Variants in PCTP observed in about 807,000 individuals in gnomAD.
The protein encoded by PCTP is START domain-containing protein 2.
PCTP carries 27 observed loss-of-function variants against 31.0 expected under a neutral mutation model. The observed-to-expected ratio is 0.87, with a 90% CI of 0.64 to 1.20. The LOEUF is 1.20. Among genes scored for constraint, PCTP ranks in the 50% most tolerant of loss-of-function variants. The pLI is 0.00. For missense variants in PCTP, 287 were observed against 268.2 expected (o/e 1.07, Z -0.49); for synonymous variants, 108 against 101.2 (o/e 1.07, Z -0.40).
chr17:55,818,354 T>C (rs1912999053), intron 3 of PCTP, among the ~76,000 whole-genome samples: 2 of 152,246 alleles, frequency 1.3e-5, no homozygotes, highest in South Asian at 4.1e-4. Context: ...TATTCCAACA[T>C]GGCAACTGGT....
chr17:55,777,556 C>T (rs1313717065), downstream of PCTP, among the ~76,000 whole-genome samples: 4 of 152,220 alleles, frequency 2.6e-5, no homozygotes, highest in East Asian at 1.9e-4. Flanking sequence ...AATACAGGTG[C>T]TCAAACTGAG....
chr17:55,818,574 A>T (rs558381411), intron 3 of PCTP, among the ~76,000 whole-genome samples: 2 of 152,328 alleles, frequency 1.3e-5, no homozygotes, highest in Admixed American at 1.3e-4. Context: ...TATTGTGAGT[A>T]TTACTAGGAT....
intron 2 of PCTP, among the ~76,000 whole-genome samples, chr17:55,783,467 C>T (rs1911636908): frequency 1.3e-5 from 2 of 152,272 alleles, no homozygotes; most frequent in South Asian, 4.1e-4. Flanking sequence ...CTATCTTATC[C>T]AATTCCTCTC....
At chr17:55,799,069 T>TTG (rs1009824622) in intron 3 of PCTP, among the ~76,000 whole-genome samples, 1 of 151,130 alleles carries the variant, frequency 6.6e-6, no homozygotes, top group Non-Finnish European at 1.5e-5. Context: ...AGTAAGCTAA[T>TTG]GGGGGGGGAA....
At chr17:55,808,790 T>C (rs1355012602) in intron 3 of PCTP, among the ~76,000 whole-genome samples, 3 of 152,180 alleles carry the variant, frequency 2.0e-5, no homozygotes, top group Non-Finnish European at 4.4e-5. Context: ...CCCTGGAAGG[T>C]CCATCCTGGA....
At chr17:55,788,605 T>A (rs997606275) in intron 3 of PCTP, among the ~76,000 whole-genome samples, 1 of 152,214 alleles carries the variant, frequency 6.6e-6, no homozygotes, top group Non-Finnish European at 1.5e-5. Flanking sequence ...ATTATACTTA[T>A]GATTGCTAGT....
chr17:55,806,903 T>G (rs1912597630), intron 3 of PCTP, among the ~76,000 whole-genome samples: 1 of 152,190 alleles, frequency 6.6e-6, no homozygotes, highest in Non-Finnish European at 1.5e-5. Context: ...CTGAGAAGAC[T>G]TGACTTTTAT....
Position 55,776,397 on chromosome 17 carries a change from G to A in PCTP, c.*297G>A. On this transcript the variant is annotated 3_prime_UTR_variant, in exon 6 of 6. Transcript: ENST00000268896. Reference sequence around the variant, plus strand: ...TATGGGGCAGACTAGGGAAACCTTTGCTTGCTTACTATTAGGAGGGGAAGT... The same window carrying A: ...TATGGGGCAGACTAGGGAAACCTTTACTTGCTTACTATTAGGAGGGGAAGT... The A allele has an allele frequency of 8.0e-7, 1 of 1,256,202 alleles. No individual in the cohort carries two copies. The highest frequency in any genetic ancestry group is 1.0e-6 in the Non-Finnish European group (1 of 1,002,824). The allele number at this position is 1,256,202 out of a possible 1,614,324, so 77.8% of individuals were successfully genotyped here. A position where few individuals can be genotyped will look rare whatever the true frequency, so the allele number is the denominator to read the frequency against.
chr17:55,807,128 C>A (rs990653313), intron 3 of PCTP, among the ~76,000 whole-genome samples: 2 of 152,062 alleles, frequency 1.3e-5, no homozygotes, highest in African/African-American at 4.8e-5. Context: ...AGAAGTTAGG[C>A]CATAATAGTC....
intron 5 of PCTP, among the ~76,000 whole-genome samples, chr17:55,841,381 G>A (rs1905976551): frequency 6.6e-6 from 1 of 152,182 alleles, no homozygotes; most frequent in Non-Finnish European, 1.5e-5. Context: ...CTGGTGAGAA[G>A]GGCGCAGTAG....
chr17:55,775,244 C>T (rs1034602848), intron 5 of PCTP: 2 of 1,238,730 alleles, frequency 1.6e-6, no homozygotes, highest in African/African-American at 1.5e-5. Flanking sequence ...CCAGATGTGT[C>T]CAAGCCTGAG....
At chr17:55,845,215 G>T (rs1906108166), downstream of PCTP, among the ~76,000 whole-genome samples, 1 of 151,882 alleles carries the variant, frequency 6.6e-6, no homozygotes, top group Non-Finnish European at 1.5e-5. Context: ...TTTAGAGCAG[G>T]GTTCCCTTTT....
chr17:55,766,116 T>G (rs1033565958), intron 1 of PCTP, among the ~76,000 whole-genome samples: 1 of 152,210 alleles, frequency 6.6e-6, no homozygotes, highest in Non-Finnish European at 1.5e-5. Context: ...ATGGCACTTA[T>G]AGCTATCTCT....
chr17:55,846,427 G>T (rs1350983534), downstream of PCTP, among the ~76,000 whole-genome samples: 2 of 152,112 alleles, frequency 1.3e-5, no homozygotes, highest in African/African-American at 4.8e-5. Flanking sequence ...CATAAAGGGG[G>T]TGAAATTACA....
intron 3 of PCTP, among the ~76,000 whole-genome samples, chr17:55,814,758 A>G (rs1912864381): frequency 6.6e-6 from 1 of 152,208 alleles, no homozygotes; most frequent in South Asian, 2.1e-4. Context: ...TCACAGGGGC[A>G]AGACAGACAC....
At chr17:55,775,349 G>T (rs1911271356) in intron 5 of PCTP, 4 of 1,231,800 alleles carry the variant, frequency 3.2e-6, no homozygotes. Context: ...ACTAGAGACT[G>T]CCCAGGAGCC....
intron 3 of PCTP, among the ~76,000 whole-genome samples, chr17:55,772,710 C>G (rs1288680084): frequency 2.6e-5 from 4 of 152,016 alleles, no homozygotes; most frequent in African/African-American, 9.7e-5. Context: ...AGTGGGAAAC[C>G]CAAAATTCTG....
chr17:55,839,692 G>A (rs1905896819), intron 5 of PCTP, among the ~76,000 whole-genome samples: 2 of 151,542 alleles, frequency 1.3e-5, no homozygotes, highest in Admixed American at 6.6e-5. Context: ...AGGCCGAGGC[G>A]GGCGGATCAC....
chr17:55,753,150 G>A (rs1002958575), intron 1 of PCTP, among the ~76,000 whole-genome samples: 3 of 152,314 alleles, frequency 2.0e-5, no homozygotes, highest in East Asian at 3.9e-4. Flanking sequence ...GACGTGTCTA[G>A]CATCTGGCTT....
Sources: allele counts gnomAD v4.1 joint callset (sites outside exome capture counted in the v4.1 genomes callset), GRCh38; gene constraint gnomAD v4.1.1; transcripts MANE v1.5; gene names NCBI Gene and HGNC (gene_info 2026-07-23, HGNC 2026-07-21).